Variants in CYFIP1 observed in about 807,000 individuals in gnomAD.
CYFIP1 encodes cytoplasmic FMR1 interacting protein 1.
Under a neutral mutation model 163.5 loss-of-function variants are expected in CYFIP1, and 58 were observed. The ratio of observed to expected loss-of-function variants is 0.35; its 90% CI spans 0.29 to 0.44. The LOEUF is 0.44. CYFIP1 is among the 20% of genes least tolerant of loss of function. The pLI is 1.00. For synonymous variants in CYFIP1, 663 were observed against 660.7 expected, an observed-to-expected ratio of 1.00 and a Z score of -0.05; for missense variants, 1,338 against 1,653.8, an observed-to-expected ratio of 0.81 and a Z score of 3.31.
At chr15:22,971,536 G>A in intron 1 of CYFIP1, among the ~76,000 whole-genome samples, 1 of 152,066 alleles carries the variant, frequency 6.6e-6, no homozygotes, top group Admixed American at 6.6e-5. Context: ...GCCAGGCGTG[G>A]TAGTGGGCGC....
At chr15:22,898,455 T>G (rs1054773129) in intron 22 of CYFIP1, among the ~76,000 whole-genome samples, 1 of 152,076 alleles carries the variant, frequency 6.6e-6, no homozygotes, top group Non-Finnish European at 1.5e-5. Context: ...TTACTATATA[T>G]TCTCAATCTA....
rs555830694 is a variant in CYFIP1, at chr15:22,929,486, G to C, written c.1111-1458C>G. On this transcript the variant is annotated intron_variant, in intron 11 of 30. Coordinates refer to ENST00000617928, the MANE Select transcript of CYFIP1 (RefSeq NM_014608.6). ...GTCTCTACTAAAAATACAAAAATTA[G>C]CTAAGCATGGTGGCGTGCGCCTGTA... Among the ~76,000 whole-genome samples, 10 of 151,496 alleles carry C rather than the reference G, an allele frequency of 6.6e-5. No homozygotes were observed. The East Asian group carries it at 1.6e-3, about 24-fold the overall frequency.
intron 23 of CYFIP1, 115 bp from the exon 24 acceptor site, chr15:22,883,126 C>T (rs924961260): frequency 1.2e-4 from 149 of 1,270,470 alleles, no homozygotes; most frequent in Non-Finnish European, 1.6e-4. Flanking sequence ...TCTGAGTCTA[C>T]TGACTTGTAA....
rs778191225 is a variant in CYFIP1, at chr15:22,943,358, T to C, written c.388-4A>G. On this transcript the variant is annotated splice_region_variant and splice_polypyrimidine_tract_variant and intron_variant, in intron 5 of 30. Transcript: ENST00000617928. The stretch of plus-strand genomic sequence containing the variant: ...AGAAACGCTCAATGGCATTTCTCTG[T>C]GCAGAGGAAGCAGGAGGGCAGAAAG... The C allele has an allele frequency of 1.2e-6, 2 of 1,613,494 alleles. No individual in the cohort carries two copies. Among genetic ancestry groups the C allele is most frequent in the Non-Finnish European group, 1.7e-6 (2 of 1,179,814 alleles).
intron 22 of CYFIP1, 45 bp downstream of exon 22, chr15:22,903,661 C>T (rs781501728): frequency 1.2e-6 from 2 of 1,602,538 alleles, no homozygotes; most frequent in Admixed American, 3.3e-5. Flanking sequence ...GACATGGGTC[C>T]CTGAGCGCCT....
intron 30 of CYFIP1, among the ~76,000 whole-genome samples, chr15:22,870,428 C>T (rs2059401782): frequency 6.6e-6 from 1 of 151,986 alleles, no homozygotes; most frequent in Non-Finnish European, 1.5e-5. Flanking sequence ...CCCACCTCAG[C>T]CTCCTGAGTA....
In CYFIP1 at chr15:22,883,361, A is replaced by G. The variant is rs565129790; in HGVS notation, c.2677-350T>C. 1.8e-3 allele frequency among the ~76,000 whole-genome samples: 278 copies of G among 152,268 alleles called. 2 individuals carry two copies. Among genetic ancestry groups the G allele is most frequent in the African/African-American group, 6.3e-3 (261 of 41,556 alleles). ...CAGGATGCCCAAGGTCGGACCCTGA[A>G]GGGGCCGGGGGAGCTGCCTTCTCAG... is the stretch of plus-strand genomic sequence containing the variant. On this transcript the variant is annotated intron_variant, in intron 23 of 30. Coordinates refer to ENST00000617928, the MANE Select transcript of CYFIP1 (RefSeq NM_014608.6).
chr15:22,918,099 G>A (rs754019730), intron 14 of CYFIP1, among the ~76,000 whole-genome samples, 164 bp from the exon 15 acceptor site: 1 of 152,202 alleles, frequency 6.6e-6, no homozygotes, highest in Non-Finnish European at 1.5e-5. Flanking sequence ...CAGCTCAACA[G>A]GAAAGTTAAA....
chr15:22,933,657 T>C (rs1282314956), intron 10 of CYFIP1, 145 bp downstream of exon 10: 1 of 625,418 alleles, frequency 1.6e-6, no homozygotes, highest in East Asian at 2.8e-5. Flanking sequence ...TAGCCGCATG[T>C]GGCAAAGGCT....
chr15:22,925,338 A>G (rs1319349564), intron 13 of CYFIP1, among the ~76,000 whole-genome samples: 1 of 152,190 alleles, frequency 6.6e-6, no homozygotes, highest in Non-Finnish European at 1.5e-5. Flanking sequence ...TGGTGCTGGG[A>G]TACCGACAGC....
At chr15:22,913,609 A>T (rs1246781489) in intron 17 of CYFIP1, among the ~76,000 whole-genome samples, 4 of 93,562 alleles carry the variant, frequency 4.3e-5, no homozygotes, top group Admixed American at 1.3e-4. Context: ...CAGCATTAAA[A>T]AAAAAAAAAA....
chr15:22,895,067 T>C (rs1052228791), intron 22 of CYFIP1, among the ~76,000 whole-genome samples: 2 of 150,302 alleles, frequency 1.3e-5, no homozygotes, highest in African/African-American at 4.9e-5. Flanking sequence ...CAGGCTGGAG[T>C]GCAGTGGCGT....
intron 27 of CYFIP1, 69 bp downstream of exon 27, chr15:22,875,130 G>A (rs1382622642): frequency 1.7e-5 from 25 of 1,434,362 alleles, no homozygotes; most frequent in African/African-American, 1.4e-5. Flanking sequence ...TAGCTCTCCG[G>A]TTGCATACAG....
At chr15:22,929,113 G>A (rs1024148236) in intron 11 of CYFIP1, among the ~76,000 whole-genome samples, 2 of 151,710 alleles carry the variant, frequency 1.3e-5, no homozygotes, top group South Asian at 2.1e-4. Flanking sequence ...TCAGCTACTC[G>A]GGAAGCTGAG....
In CYFIP1 at chr15:22,917,401, G is replaced by A. The variant is rs543550167; in HGVS notation, c.1674+387C>T. On this transcript the variant is annotated intron_variant, in intron 15 of 30. Coordinates refer to ENST00000617928, the MANE Select transcript of CYFIP1 (RefSeq NM_014608.6). The surrounding 1 kb of genome is among the most constrained non-coding windows in gnomAD (Gnocchi z 4.2). ...CAGCTTAGGACCATGACACACGCAAGCAGCACCTCACAGTTTCCCACGCCC... is the reference window on the plus strand; with the variant it reads ...CAGCTTAGGACCATGACACACGCAAACAGCACCTCACAGTTTCCCACGCCC... 13 of 803,320 alleles carry A rather than the reference G, an allele frequency of 1.6e-5. No individual in the cohort carries two copies. In the African/African-American group the frequency reaches 2.1e-4, roughly 13 times the overall value. 49.8% of individuals were successfully genotyped at this position (803,320 alleles called of 1,614,324 possible).
intron 12 of CYFIP1, among the ~76,000 whole-genome samples, chr15:22,927,066 G>C (rs1339847962): frequency 6.6e-6 from 1 of 152,192 alleles, no homozygotes; most frequent in Admixed American, 6.5e-5. Flanking sequence ...GCCAGGTACA[G>C]TGGCTCACGC....
At chr15:22,977,319 GA>G (rs1396809998) in intron 1 of CYFIP1, among the ~76,000 whole-genome samples, 1 of 152,132 alleles carries the variant, frequency 6.6e-6, no homozygotes, top group African/African-American at 2.4e-5. Flanking sequence ...TTTCTATGTA[GA>G]TAATCATGTT....
intron 1 of CYFIP1, among the ~76,000 whole-genome samples, chr15:22,976,094 T>C (rs897029345): frequency 1.8e-4 from 27 of 152,222 alleles, no homozygotes; most frequent in Admixed American, 3.3e-4. Context: ...GTAAGTCTTA[T>C]TCAATGTATA....
intron 24 of CYFIP1, among the ~76,000 whole-genome samples, 186 bp downstream of exon 24, chr15:22,882,682 G>A (rs1228968480): frequency 6.6e-6 from 1 of 152,116 alleles, no homozygotes; most frequent in East Asian, 1.9e-4. Context: ...AAAATAACCT[G>A]GACCCATTCT....
Sources: allele counts gnomAD v4.1 joint callset (sites outside exome capture counted in the v4.1 genomes callset), GRCh38; gene constraint gnomAD v4.1.1; non-coding constraint Gnocchi (gnomAD v3.1); transcripts MANE v1.5; gene names NCBI Gene and HGNC (gene_info 2026-07-23, HGNC 2026-07-21).